The following VWA5B1 variants were observed in gnomAD, a reference collection of about 807,000 sequenced individuals.
The protein encoded by VWA5B1 is von Willebrand factor A domain-containing protein 5B1.
In VWA5B1, 115 loss-of-function variants were observed where a neutral mutation model predicts 118.2. That is an observed-to-expected ratio of 0.97 (90% CI 0.84 to 1.14). The LOEUF (loss-of-function observed/expected upper bound fraction) is 1.14. Ranked by LOEUF, VWA5B1 falls within the 50% of genes most tolerant of loss-of-function variation. VWA5B1 has a pLI of 0.00. For synonymous variants in VWA5B1, 682 were observed against 658.4 expected, an observed-to-expected ratio of 1.04 and a Z score of -0.55; for missense variants, 1,596 against 1,603.8, an observed-to-expected ratio of 1.00 and a Z score of 0.08.
chr1:20,317,574 A>G lies in VWA5B1; in HGVS notation c.608A>G (p.Asn203Ser), dbSNP rs751668266. 68 of 1,551,664 alleles carry G rather than the reference A, an allele frequency of 4.4e-5. 2 individuals carry two copies. The Middle Eastern group carries it at 1.5e-3, about 34-fold the overall frequency. Residue 203 changes from asparagine (N) to serine (S), a missense_variant, in exon 5 of 22, where the codon AAT becomes AGT. Transcript: ENST00000289815. ...CFGAWAPGSW[N>S]KLCLATLLNT... ...GGTGCCTGGGCCCCGGGCTCCTGGA[A>G]TAAGTTGTGCCTGGCGACTCTCCTG...
chr1:20,314,714 G>A lies in VWA5B1; in HGVS notation c.563+122G>A, dbSNP rs188232406. 3,521 of 1,452,908 alleles carry A rather than the reference G, an allele frequency of 2.4e-3. 7 individuals carry two copies. The highest frequency in any genetic ancestry group is 3.0e-3 in the Non-Finnish European group (3,309 of 1,096,022). The allele number at this position is 1,452,908 out of a possible 1,614,324, so 90.0% of individuals were successfully genotyped here. On this transcript the variant is annotated intron_variant, in intron 4 of 21. Coordinates refer to ENST00000289815, the MANE Select transcript of VWA5B1 (RefSeq NM_001039500.3). ...AGGAGATGGGGAGGCTCTGCTCTAC[G>A]ATTGCCACCCTCTGAGCCATTTGCT... is the stretch of plus-strand genomic sequence containing the variant.
chr1:20,339,322 G>C (rs1041112462), intron 14 of VWA5B1: 2 of 152,094 alleles, frequency 1.3e-5, no homozygotes, highest in South Asian at 2.1e-4. Flanking sequence ...CAGGCAGATC[G>C]CGTGAGCCCA....
chr1:20,320,951 T>C (rs1025417314), intron 7 of VWA5B1, among the ~76,000 whole-genome samples: 63 of 152,080 alleles, frequency 4.1e-4, no homozygotes, highest in African/African-American at 1.4e-3. Flanking sequence ...GCGAGATCCC[T>C]TGGCAGGGAG....
intron 1 of VWA5B1, among the ~76,000 whole-genome samples, chr1:20,304,177 G>A (rs901590408): frequency 2.0e-5 from 3 of 152,192 alleles, no homozygotes; most frequent in African/African-American, 7.2e-5. Context: ...TTGCAGATGA[G>A]TGGTTACAGT....
In VWA5B1 at chr1:20,328,139, C is replaced by CG. The variant is rs2089443371; in HGVS notation, c.1254+144dup. 1.2e-5 allele frequency: 9 copies of CG among 753,718 alleles called. No individual in the cohort carries two copies. The South Asian group carries it at 1.6e-4, about 13-fold the overall frequency. The allele number at this position is 753,718 out of a possible 1,614,324, so 46.7% of individuals were successfully genotyped here. A position where few individuals can be genotyped will look rare whatever the true frequency, so the allele number is the denominator to read the frequency against. ...ACCCACAGAGAACCCAGATCACACC[C>CG]GGGGGCAGAGAACTGAAGAGAAACT... On this transcript the variant is annotated intron_variant, in intron 9 of 21. Coordinates refer to ENST00000289815, the MANE Select transcript of VWA5B1 (RefSeq NM_001039500.3).
chr1:20,299,207 T>G (rs2088460356), intron 1 of VWA5B1, among the ~76,000 whole-genome samples: 1 of 152,058 alleles, frequency 6.6e-6, no homozygotes, highest in Non-Finnish European at 1.5e-5. Flanking sequence ...AATGGGAAAC[T>G]CGGTATCCTA....
At position 20,342,273 on chromosome 1, in the gene VWA5B1, C is replaced by T. The variant is rs2089894738; in HGVS notation, c.2134-159C>T. Among the ~76,000 whole-genome samples, 2 of 147,884 alleles carry T rather than the reference C, an allele frequency of 1.4e-5. 1 individual carries two copies. The highest frequency in any genetic ancestry group is 1.4e-4 in the Admixed American group (2 of 14,400). Reference sequence around the variant, plus strand: ...TCCCTGAGTACTGGAGGGGCAGTGCCCAGGAGGAGCTGCTGTGCCCCAGGA... The same window carrying T: ...TCCCTGAGTACTGGAGGGGCAGTGCTCAGGAGGAGCTGCTGTGCCCCAGGA... On this transcript the variant is annotated intron_variant, in intron 14 of 21. Coordinates refer to ENST00000289815, the MANE Select transcript of VWA5B1 (RefSeq NM_001039500.3).
intron 1 of VWA5B1, among the ~76,000 whole-genome samples, chr1:20,307,905 G>A (rs10916758): frequency 0.25 from 37,216 of 151,444 alleles, 4,971 homozygotes; most frequent in East Asian, 0.4. Context: ...GATTTAGGGG[G>A]TACATATACA....
At chr1:20,291,193 T>TGTGTGTGTGTGTGG (rs1274579280) in intron 1 of VWA5B1, 105 bp downstream of exon 1, 2 of 154,792 alleles carry the variant, frequency 1.3e-5, no homozygotes, top group Non-Finnish European at 2.8e-5. Flanking sequence ...TGTGTGTGTG[T>TGTGTGTGTGTGTGG]GTGTGGTGAG....
At position 20,352,114 on chromosome 1, in the gene VWA5B1, C is replaced by T; in HGVS notation, c.3083C>T (p.Pro1028Leu). The T allele has an allele frequency of 6.4e-7, 1 of 1,551,514 alleles. No individual in the cohort carries two copies. ...TRAAKGFLSKPLIKAVESTSG... is the reference protein window; with the variant it reads ...TRAAKGFLSKLLIKAVESTSG... Reference sequence around the variant, plus strand: ...GCAGCCAAGGGCTTCCTGAGCAAGCCACTGATCAAAGCTGTGGAGTCGACC... The same window carrying T: ...GCAGCCAAGGGCTTCCTGAGCAAGCTACTGATCAAAGCTGTGGAGTCGACC... The change falls in exon 21 of 22, where the codon CCA (proline) becomes CTA (leucine). Residue 1028 changes from proline (P) to leucine (L), a missense_variant. Physicochemically the swap from Pro to Leu is moderately conservative, Grantham distance 98. Transcript: ENST00000289815.
intron 7 of VWA5B1, among the ~76,000 whole-genome samples, chr1:20,322,572 G>A (rs2089253366): frequency 6.6e-6 from 1 of 152,194 alleles, no homozygotes; most frequent in Non-Finnish European, 1.5e-5. Flanking sequence ...GAGATGACCT[G>A]CCCTCAAGTA....
At chr1:20,297,837 C>T (rs1233061291) in intron 1 of VWA5B1, among the ~76,000 whole-genome samples, 1 of 152,192 alleles carries the variant, frequency 6.6e-6, no homozygotes, top group Non-Finnish European at 1.5e-5. Flanking sequence ...CCCTCTGAGC[C>T]TCAGTCTCCT....
Position 20,332,751 on chromosome 1 carries a change from G to C in VWA5B1, c.1573-15G>C. ...CTCATACATCCCCCAACTGCATTCT[G>C]ACCCTGCCCTACAGATGGTCAAATC... is the stretch of plus-strand genomic sequence containing the variant. On this transcript the variant is annotated splice_polypyrimidine_tract_variant and intron_variant, in intron 11 of 21. Coordinates refer to ENST00000289815, the MANE Select transcript of VWA5B1 (RefSeq NM_001039500.3). 6.4e-7 allele frequency: 1 copy of C among 1,550,566 alleles called. No individual in the cohort carries two copies. The highest frequency in any genetic ancestry group is 8.7e-7 in the Non-Finnish European group (1 of 1,146,200).
intron 13 of VWA5B1, among the ~76,000 whole-genome samples, chr1:20,337,220 T>C (rs2089742814): frequency 6.6e-6 from 1 of 152,150 alleles, no homozygotes; most frequent in South Asian, 2.1e-4. Context: ...CTCCACCTTC[T>C]GGATTCAAGC....
intron 1 of VWA5B1, among the ~76,000 whole-genome samples, chr1:20,308,607 C>T (rs1328558940): frequency 6.6e-6 from 1 of 152,154 alleles, no homozygotes; most frequent in Non-Finnish European, 1.5e-5. Context: ...TTGCTCTGGC[C>T]ACCAGGAGAG....
intron 12 of VWA5B1, among the ~76,000 whole-genome samples, chr1:20,336,064 T>G (rs1241531984): frequency 1.3e-5 from 2 of 152,290 alleles, no homozygotes; most frequent in Non-Finnish European, 2.9e-5. Context: ...TTAAAAAAAT[T>G]TAATGAAGTC....
intron 10 of VWA5B1, 78 bp downstream of exon 10, chr1:20,330,460 G>A: frequency 1.3e-6 from 2 of 1,494,878 alleles, no homozygotes; most frequent in Non-Finnish European, 1.8e-6. Context: ...GGGCAATGTG[G>A]AAAATGCCAG....
intron 10 of VWA5B1, 139 bp from the exon 11 acceptor site, chr1:20,330,730 T>TTCCTTC (rs2089526288): frequency 4.6e-6 from 4 of 876,208 alleles, no homozygotes; most frequent in Non-Finnish European, 5.5e-6. Context: ...ATGGCCCCTC[T>TTCCTTC]TCCTTCTCCC....
At chr1:20,297,420 C>T (rs1041517322) in intron 1 of VWA5B1, among the ~76,000 whole-genome samples, 2 of 152,242 alleles carry the variant, frequency 1.3e-5, no homozygotes, top group Non-Finnish European at 2.9e-5. Flanking sequence ...AAGTGACACA[C>T]GTCGCTTCCA....
Sources: gnomAD v4.1 joint callset for allele counts (sites outside exome capture counted in the v4.1 genomes callset) on GRCh38, gnomAD v4.1.1 for gene constraint, MANE v1.5 for transcripts, NCBI Gene and HGNC (gene_info 2026-07-23, HGNC 2026-07-21) for gene names.